Variants in HDAC9 observed in about 807,000 individuals in gnomAD.
HDAC9 encodes the protein MEF-2 interacting transcription repressor (MITR) protein.
A neutral mutation model predicts 139.4 loss-of-function variants in HDAC9; 41 were observed. The ratio of observed to expected loss-of-function variants is 0.29; its 90% CI spans 0.23 to 0.38. The LOEUF is 0.38. Among genes scored for constraint, HDAC9 ranks in the 10% least tolerant of loss-of-function variants. The pLI is 1.00. For missense variants in HDAC9, 1,147 were observed against 1,297.0 expected, an observed-to-expected ratio of 0.88 and a Z score of 1.78; for synonymous variants, 517 against 476.2, an observed-to-expected ratio of 1.09 and a Z score of -1.12.
chr7:18,824,087 G>GAACAAC (rs58871197), intron 17 of HDAC9, among the ~76,000 whole-genome samples: 1 of 147,548 alleles, frequency 6.8e-6, no homozygotes, highest in African/African-American at 2.5e-5. Context: ...AGAAGAAGAA[G>GAACAAC]AACAAGAACA....
At chr7:18,842,447 A>G (rs914010921) in intron 21 of HDAC9, among the ~76,000 whole-genome samples, 6 of 152,130 alleles carry the variant, frequency 3.9e-5, no homozygotes, top group African/African-American at 1.4e-4. Flanking sequence ...CAAAGCAGTA[A>G]TGATTTTCAT....
chr7:18,792,669 T>C (rs1439219894), intron 16 of HDAC9, among the ~76,000 whole-genome samples: 1 of 152,202 alleles, frequency 6.6e-6, no homozygotes, highest in Admixed American at 6.5e-5. Context: ...CAATACCAGT[T>C]TGAACTGAAA....
At chr7:18,431,688 T>C (rs2128763263) in intron 1 of HDAC9, among the ~76,000 whole-genome samples, 1 of 152,304 alleles carries the variant, frequency 6.6e-6, no homozygotes, top group South Asian at 2.1e-4. Context: ...AAAGTAAATA[T>C]TAGATAAATA....
At chr7:18,618,194 A>G (rs1839193461) in intron 6 of HDAC9, among the ~76,000 whole-genome samples, 1 of 152,164 alleles carries the variant, frequency 6.6e-6, no homozygotes, top group African/African-American at 2.4e-5. Flanking sequence ...TACTTATTGT[A>G]GTCAATGTAT....
intron 12 of HDAC9, among the ~76,000 whole-genome samples, chr7:18,700,222 G>A (rs7777856): frequency 0.014 from 2,120 of 152,286 alleles, 46 homozygotes; most frequent in African/African-American, 0.039. Flanking sequence ...ACAATCATAT[G>A]TTTGTGTATG....
At chr7:18,342,311 C>A (rs1000480708) in intron 1 of HDAC9, among the ~76,000 whole-genome samples, 26 of 151,770 alleles carry the variant, frequency 1.7e-4, no homozygotes, top group Non-Finnish European at 3.5e-4. Context: ...CTCACTGCCC[C>A]ATCACTGGAA....
At chr7:18,205,820 G>A (rs1178311) in intron 2 of HDAC9, among the ~76,000 whole-genome samples, 46,854 of 151,874 alleles carry the variant, frequency 0.31, 7,835 homozygotes, top group African/African-American at 0.43. Context: ...ACAGTCTACA[G>A]GTAATTCAGT....
intron 1 of HDAC9, among the ~76,000 whole-genome samples, chr7:18,129,431 A>G (rs1784870897): frequency 6.6e-6 from 1 of 152,080 alleles, no homozygotes; most frequent in African/African-American, 2.4e-5. Context: ...AGCCTATAGA[A>G]CCTATAAAAT....
At chr7:18,929,695 T>G (rs1304498461) in intron 22 of HDAC9, among the ~76,000 whole-genome samples, 1 of 152,146 alleles carries the variant, frequency 6.6e-6, no homozygotes, top group Non-Finnish European at 1.5e-5. Flanking sequence ...TCCAGCACTT[T>G]GGGAGGCAAA....
intron 2 of HDAC9, among the ~76,000 whole-genome samples, chr7:18,534,346 G>A (rs1311438475): frequency 6.6e-6 from 1 of 152,040 alleles, no homozygotes; most frequent in Non-Finnish European, 1.5e-5. Flanking sequence ...TTTGAGACCA[G>A]CCTGGACAAC....
chr7:18,984,028 T>A (rs1785129093), intron 25 of HDAC9, among the ~76,000 whole-genome samples: 1 of 152,084 alleles, frequency 6.6e-6, no homozygotes, highest in Admixed American at 6.6e-5. Flanking sequence ...AACCCCCAAA[T>A]TAGATCAGGT....
At chr7:18,346,413 C>A (rs1187515277) in intron 1 of HDAC9, among the ~76,000 whole-genome samples, 1 of 152,070 alleles carries the variant, frequency 6.6e-6, no homozygotes, top group Non-Finnish European at 1.5e-5. Flanking sequence ...TTGTCACATG[C>A]TGTTTTAGCT....
At chr7:18,529,728 G>A (rs1300596933) in intron 2 of HDAC9, among the ~76,000 whole-genome samples, 2 of 152,094 alleles carry the variant, frequency 1.3e-5, no homozygotes, top group African/African-American at 4.8e-5. Flanking sequence ...TTCATACATT[G>A]TTGAGGAAAG....
intron 14 of HDAC9, among the ~76,000 whole-genome samples, chr7:18,750,511 A>G (rs1479783155): frequency 1.3e-5 from 2 of 152,182 alleles, no homozygotes; most frequent in South Asian, 2.1e-4. Flanking sequence ...TCCTTTACCT[A>G]GAAACCCCAA....
chr7:18,846,778 A>T (rs1796935199), intron 21 of HDAC9, among the ~76,000 whole-genome samples: 1 of 152,192 alleles, frequency 6.6e-6, no homozygotes, highest in African/African-American at 2.4e-5. Context: ...TTTAATTAGC[A>T]GGTCCTCGGG....
chr7:18,142,642 C>G (rs530976610), intron 1 of HDAC9, among the ~76,000 whole-genome samples: 1 of 152,184 alleles, frequency 6.6e-6, no homozygotes, highest in Non-Finnish European at 1.5e-5. Context: ...AGAGTTTTGT[C>G]CTTCCTGGGA....
intron 12 of HDAC9, 94 bp from the exon 13 acceptor site, chr7:18,727,486 G>T: frequency 3.0e-6 from 3 of 1,014,406 alleles, no homozygotes; most frequent in South Asian, 3.2e-5. Context: ...TTATGTCTCT[G>T]ACCTGATGAA....
At chr7:18,910,209 C>T (rs1455709115) in intron 22 of HDAC9, among the ~76,000 whole-genome samples, 2 of 151,868 alleles carry the variant, frequency 1.3e-5, no homozygotes, top group South Asian at 2.1e-4. Flanking sequence ...ATGTTTTTTA[C>T]TTTCTGTGTC....
intron 2 of HDAC9, among the ~76,000 whole-genome samples, chr7:18,572,470 A>G (rs1238027635): frequency 6.6e-6 from 1 of 151,826 alleles, no homozygotes; most frequent in Non-Finnish European, 1.5e-5. Context: ...ACCTAGAAGA[A>G]TATATAAGTT....
Sources: gnomAD v4.1 joint callset for allele counts (sites outside exome capture counted in the v4.1 genomes callset) on GRCh38, gnomAD v4.1.1 for gene constraint, MANE v1.5 for transcripts, NCBI Gene and HGNC (gene_info 2026-07-23, HGNC 2026-07-21) for gene names.